HEMK1: variants seen among roughly 807,000 people sequenced by gnomAD.
HEMK1 encodes the protein MTRF1L release factor glutamine methyltransferase.
Under a neutral mutation model 47.9 loss-of-function variants are expected in HEMK1, and 36 were observed. That is an observed-to-expected ratio of 0.75 (90% CI 0.58 to 0.99). The LOEUF is 0.99. HEMK1 is among the 50% of genes least tolerant of loss of function. The pLI, the probability that HEMK1 is intolerant of heterozygous loss-of-function variation, is 0.00. For synonymous variants in HEMK1, 153 were observed against 165.4 expected (o/e 0.93, Z 0.57); for missense variants, 383 against 434.5 (o/e 0.88, Z 1.05).
In HEMK1 at chr3:50,595,346, C is replaced by T. The variant is rs1299088168; in HGVS notation, c.*14929C>T. The T allele has an allele frequency of 6.6e-6, 1 of 152,196 alleles. No individual in the cohort carries two copies. Among genetic ancestry groups the T allele is most frequent in the Admixed American group, 6.5e-5 (1 of 15,278 alleles). The allele number at this position is 152,196 out of a possible 1,614,324, so 9.4% of individuals were successfully genotyped here. On this transcript the variant is annotated 3_prime_UTR_variant, in exon 11 of 11. Transcript: ENST00000232854. Reference sequence around the variant, plus strand: ...GACAGAGTAAAAGCATTTTCTTGCACCACTTCCCTGAACCGCAGTTCCTAC... The same window carrying T: ...GACAGAGTAAAAGCATTTTCTTGCATCACTTCCCTGAACCGCAGTTCCTAC...
intron 8 of HEMK1, 75 bp from the exon 9 acceptor site, chr3:50,579,768 AG>A: frequency 2.9e-6 from 3 of 1,040,936 alleles, no homozygotes; most frequent in Non-Finnish European, 4.3e-6. Context: ...CCATTCATGG[AG>A]GCCTTGCCCA....
rs1282433066 is a variant in HEMK1 at position 50,592,595 on chromosome 3, A to G, written c.*12178A>G. The G allele has an allele frequency of 6.6e-6, 1 of 152,112 alleles. No individual in the cohort carries two copies. The highest frequency in any genetic ancestry group is 1.5e-5 in the Non-Finnish European group (1 of 68,054). 9.4% of individuals were successfully genotyped at this position (152,112 alleles called of 1,614,324 possible). ...GTTTACTTCCCTACAAAAGCCAAAA[A>G]TTGACCCCTAGAGCCTGAGACTCTG... is the stretch of plus-strand genomic sequence containing the variant. On this transcript the variant is annotated 3_prime_UTR_variant, in exon 11 of 11. Transcript: ENST00000232854.
At chr3:50,577,244 T>C in intron 5 of HEMK1, 58 bp downstream of exon 5, 41 of 1,553,796 alleles carry the variant, frequency 2.6e-5, no homozygotes, top group Non-Finnish European at 3.6e-5. Context: ...TCCCTCCCAT[T>C]AGTGCTTCCC....
rs1423478051 is a variant in HEMK1, at chr3:50,580,610, T to C, written c.*193T>C. The C allele has an allele frequency of 2.3e-5, 14 of 618,624 alleles. No individual in the cohort carries two copies. The highest frequency in any genetic ancestry group is 3.7e-5 in the Non-Finnish European group (13 of 352,400). The allele number at this position is 618,624 out of a possible 1,614,324, so 38.3% of individuals were successfully genotyped here. A position where few individuals can be genotyped will look rare whatever the true frequency, so the allele number is the denominator to read the frequency against. ...TCAGAGTGGCTGAGGGCAGTTGCTC[T>C]GTGTTGGTGAAATTGCTGTGGGGGT... On this transcript the variant is annotated 3_prime_UTR_variant, in exon 11 of 11. Coordinates refer to ENST00000232854, the MANE Select transcript of HEMK1 (RefSeq NM_016173.5).
chr3:50,570,893 C>A lies in HEMK1; in HGVS notation c.-174-38C>A, dbSNP rs79973208. 428 of 465,722 alleles carry A rather than the reference C, an allele frequency of 9.2e-4. 2 individuals are homozygous for A. The highest frequency in any genetic ancestry group is 8.1e-3 in the African/African-American group (405 of 49,714). 28.8% of individuals were successfully genotyped at this position (465,722 alleles called of 1,614,324 possible). Reference sequence around the variant, plus strand: ...TATTGGTAGAAGGGGGGGTGTCATACAAGGCTCACCTGCTTTCCTGGTTCC... The same window carrying A: ...TATTGGTAGAAGGGGGGGTGTCATAAAAGGCTCACCTGCTTTCCTGGTTCC... On this transcript the variant is annotated intron_variant, in intron 1 of 10. Transcript: ENST00000232854.
Position 50,580,113 on chromosome 3 carries a change from T to C in HEMK1, c.867-3T>C, listed in dbSNP as rs2030561631. 5 of 1,611,666 alleles carry C rather than the reference T, an allele frequency of 3.1e-6. No homozygotes were observed. The highest frequency in any genetic ancestry group is 4.2e-6 in the Non-Finnish European group (5 of 1,177,886). ...TGAGCCCACCCATTTCTCCCCCATG[T>C]AGTAGTATCTTCTTAGAAGTGGACC... On this transcript the variant is annotated splice_region_variant and splice_polypyrimidine_tract_variant and intron_variant, in intron 9 of 10. Coordinates refer to ENST00000232854, the MANE Select transcript of HEMK1 (RefSeq NM_016173.5).
intron 7 of HEMK1, 130 bp downstream of exon 7, chr3:50,578,005 TACAC>T: frequency 1.3e-5 from 11 of 824,012 alleles, no homozygotes; most frequent in Non-Finnish European, 2.3e-5. Context: ...CACACACACA[TACAC>T]GTGTGTGTGT....
At position 50,576,922 on chromosome 3, in the gene HEMK1, C is replaced by T; in HGVS notation, c.415-130C>T. 6.3e-6 allele frequency: 7 copies of T among 1,105,076 alleles called. No individual in the cohort carries two copies. The South Asian group carries it at 9.8e-5, about 15-fold the overall frequency. The allele number at this position is 1,105,076 out of a possible 1,614,324, so 68.5% of individuals were successfully genotyped here. On this transcript the variant is annotated intron_variant, in intron 4 of 10. Coordinates refer to ENST00000232854, the MANE Select transcript of HEMK1 (RefSeq NM_016173.5). The stretch of plus-strand genomic sequence containing the variant: ...GGTGACTTGGCCATGCCCCAGCTGA[C>T]ATGAAGGTCAGTCTGGCTTTGGCTA...
rs567312565 is a variant in HEMK1 at position 50,593,117 on chromosome 3, T to C, written c.*12700T>C. The C allele has an allele frequency of 2.0e-5, 3 of 152,234 alleles. 1 individual carries two copies. The South Asian group carries it at 6.2e-4, about 32-fold the overall frequency. The allele number at this position is 152,234 out of a possible 1,614,324, so 9.4% of individuals were successfully genotyped here. A position where few individuals can be genotyped will look rare whatever the true frequency, so the allele number is the denominator to read the frequency against. ...GGCCAGAGAGGCTGCCTTTACCCCA[T>C]GAGCTCTGAACCCTCTCACTATCTG... On this transcript the variant is annotated 3_prime_UTR_variant, in exon 11 of 11. Coordinates refer to ENST00000232854, the MANE Select transcript of HEMK1 (RefSeq NM_016173.5).
In HEMK1 at chr3:50,571,217, T is replaced by C; in HGVS notation, c.113T>C (p.Leu38Ser). Reference sequence around the variant, plus strand: ...CAACCCCAACCACCTCTGGCTGGGTTATCCAGTGCCATAGAACTGGTCAGC... The same window carrying C: ...CAACCCCAACCACCTCTGGCTGGGTCATCCAGTGCCATAGAACTGGTCAGC... ...SWQPQPPLAG[L>S]SSAIELVSHW... Residue 38 changes from leucine (L) to serine (S), a missense_variant, in exon 2 of 11, where the codon TTA becomes TCA. Transcript: ENST00000232854. 1 of 1,613,918 alleles carries C rather than the reference T, an allele frequency of 6.2e-7. No homozygotes were observed. Among genetic ancestry groups the C allele is most frequent in the Non-Finnish European group, 8.5e-7 (1 of 1,179,940 alleles).
chr3:50,579,404 A>C (rs1241991593), intron 8 of HEMK1, among the ~76,000 whole-genome samples: 1 of 152,160 alleles, frequency 6.6e-6, no homozygotes, highest in African/African-American at 2.4e-5. Context: ...TCCTGCTCTT[A>C]CACAGGGGCT....
Position 50,592,565 on chromosome 3 carries a change from C to T in HEMK1, c.*12148C>T, listed in dbSNP as rs898036187. 1.3e-5 allele frequency: 2 copies of T among 152,122 alleles called. No individual in the cohort carries two copies. Among genetic ancestry groups the T allele is most frequent in the African/African-American group, 4.8e-5 (2 of 41,394 alleles). 9.4% of individuals were successfully genotyped at this position (152,122 alleles called of 1,614,324 possible). A position where few individuals can be genotyped will look rare whatever the true frequency, so the allele number is the denominator to read the frequency against. On this transcript the variant is annotated 3_prime_UTR_variant, in exon 11 of 11. Coordinates refer to ENST00000232854, the MANE Select transcript of HEMK1 (RefSeq NM_016173.5). ...CCAGCATCTGTCCCCTCATTCCCAC[C>T]TCCTGTTTACTTCCCTACAAAAGCC...
chr3:50,571,468 G>T, intron 2 of HEMK1, 136 bp downstream of exon 2: 1 of 698,644 alleles, frequency 1.4e-6, no homozygotes, highest in Non-Finnish European at 2.4e-6. Flanking sequence ...CTTAGCGCCT[G>T]GCACACACTG....
At chr3:50,579,061 CGA>C (rs2030314283) in intron 8 of HEMK1, 135 bp downstream of exon 8, 1 of 638,880 alleles carries the variant, frequency 1.6e-6, no homozygotes, top group Admixed American at 2.6e-5. Flanking sequence ...TTGACGCACT[CGA>C]GAGCCCACAG....
chr3:50,570,375 AG>A (rs1158193251), intron 1 of HEMK1: 1 of 152,232 alleles, frequency 6.6e-6, no homozygotes, highest in African/African-American at 2.4e-5. Flanking sequence ...CCCGGATTAT[AG>A]GTTAAATTAG....
upstream of HEMK1, chr3:50,569,461 C>T (rs1369913134): frequency 6.6e-6 from 1 of 152,224 alleles, no homozygotes; most frequent in Non-Finnish European, 1.5e-5. Flanking sequence ...CTTAAAGGCG[C>T]CGACCCCGGA....
In HEMK1 at chr3:50,578,836, A is replaced by G. The variant is rs772039762; in HGVS notation, c.680A>G (p.His227Arg). Residue 227 changes from histidine to arginine, a missense_variant, in exon 8 of 11, where the codon CAC becomes CGC. Transcript: ENST00000232854. ...TTGACGACAGAAAGGAGCTGGACAC[A>G]CCTGCCCTGGGGCCCCATGGACCTG... ...LDMTSERSWT[H>R]LPWGPMDLIV... 1.2e-6 allele frequency: 2 copies of G among 1,612,656 alleles called. No homozygotes were observed. The highest frequency in any genetic ancestry group is 1.7e-6 in the Non-Finnish European group (2 of 1,179,304).
rs1467032064 is a variant in HEMK1 at position 50,580,427 on chromosome 3, C to A, written c.*10C>A. 6.2e-7 allele frequency: 1 copy of A among 1,613,906 alleles called. No homozygotes were observed. Among genetic ancestry groups the A allele is most frequent in the South Asian group, 1.1e-5 (1 of 91,082 alleles). ...GAGGTCTGGGCCATAGCATGGCTGC[C>A]CTGTGGATGCCTTGTCAGTGCCGCC... On this transcript the variant is annotated 3_prime_UTR_variant, in exon 11 of 11. Transcript: ENST00000232854.
intron 4 of HEMK1, 107 bp from the exon 5 acceptor site, chr3:50,576,945 C>A: frequency 7.2e-7 from 1 of 1,390,788 alleles, no homozygotes; most frequent in Non-Finnish European, 1.0e-6. Flanking sequence ...CTGGCTTTGG[C>A]TACCTCCCCT....
Sources: allele counts gnomAD v4.1 joint callset (sites outside exome capture counted in the v4.1 genomes callset), GRCh38; gene constraint gnomAD v4.1.1; transcripts MANE v1.5; gene names NCBI Gene and HGNC (gene_info 2026-07-23, HGNC 2026-07-21).